SEMA6D: variants seen among roughly 807,000 people sequenced by gnomAD.
SEMA6D encodes semaphorin-6D.
SEMA6D carries 35 observed loss-of-function variants against 106.6 expected under a neutral mutation model. The observed-to-expected ratio is 0.33, with a 90% confidence interval of 0.25 to 0.44. SEMA6D has a LOEUF of 0.44. Ranked by LOEUF, SEMA6D falls within the 20% of genes least tolerant of loss-of-function variation. The pLI is 1.00. For missense variants in SEMA6D, 1,185 were observed against 1,345.9 expected (o/e 0.88, Z 1.87); for synonymous variants, 499 against 487.7 (o/e 1.02, Z -0.31).
intron 2 of SEMA6D, among the ~76,000 whole-genome samples, chr15:47,429,239 C>T (rs1267092086): frequency 9.2e-5 from 14 of 152,102 alleles, no homozygotes; most frequent in Non-Finnish European, 1.5e-5. Context: ...ACTCCTGGCT[C>T]TGCTGCTTAC....
intron 4 of SEMA6D, among the ~76,000 whole-genome samples, chr15:47,637,719 C>T (rs907023325): frequency 2.6e-5 from 4 of 152,156 alleles, no homozygotes; most frequent in East Asian, 3.9e-4. Flanking sequence ...TGGCCCAATA[C>T]AAGTACAAGT....
At chr15:47,390,100 T>C (rs751096831) in intron 1 of SEMA6D, among the ~76,000 whole-genome samples, 1 of 152,210 alleles carries the variant, frequency 6.6e-6, no homozygotes, top group African/African-American at 2.4e-5. Context: ...GTGATAATTA[T>C]TTAATCTTAT....
At chr15:47,634,770 C>T (rs1298699773) in intron 4 of SEMA6D, among the ~76,000 whole-genome samples, 1 of 151,154 alleles carries the variant, frequency 6.6e-6, no homozygotes, top group Non-Finnish European at 1.5e-5. Context: ...GTTTCCGTGT[C>T]CATGGACAGC....
chr15:47,432,091 C>CT (rs1013727559), intron 2 of SEMA6D, among the ~76,000 whole-genome samples: 1 of 151,986 alleles, frequency 6.6e-6, no homozygotes, highest in African/African-American at 2.4e-5. Flanking sequence ...AAGATATTTT[C>CT]TTTTTTAAGA....
intron 1 of SEMA6D, among the ~76,000 whole-genome samples, chr15:47,303,277 A>G (rs1027276956): frequency 5.9e-5 from 9 of 152,248 alleles, no homozygotes; most frequent in Admixed American, 5.2e-4. Context: ...GATATTATGC[A>G]TAGGTTTCAC....
rs2082195788 is a variant in SEMA6D, at chr15:47,763,881, A to G, written c.779A>G (p.Lys260Arg). The change falls in exon 10 of 19, where the codon AAA becomes AGA. Residue 260 changes from lysine (K) to arginine (R), a missense_variant. Around this residue, in one of 3 missense-constraint regions of SEMA6D, gnomAD observed 291 missense variants for 423.8 expected, o/e 0.69. Transcript: ENST00000536845. The stretch of plus-strand genomic sequence containing the variant: ...TATTCCCGCGTGGCCCGCATATGTA[A>G]AAACGACATGGGTGGTTCCCAGCGG... ...AVYSRVARIC[K>R]NDMGGSQRVL... 6.2e-7 allele frequency: 1 copy of G among 1,613,526 alleles called. No individual in the cohort carries two copies. The highest frequency in any genetic ancestry group is 1.3e-5 in the African/African-American group (1 of 74,892).
At chr15:47,727,080 C>T (rs1251056767) in intron 1 of SEMA6D, among the ~76,000 whole-genome samples, 2 of 152,186 alleles carry the variant, frequency 1.3e-5, no homozygotes, top group Non-Finnish European at 1.5e-5. Context: ...CTGGCTTCCA[C>T]TGTCGGTACT....
chr15:47,715,277 C>T (rs2079089608), upstream of SEMA6D, among the ~76,000 whole-genome samples: 1 of 152,038 alleles, frequency 6.6e-6, no homozygotes, highest in Non-Finnish European at 1.5e-5. Flanking sequence ...GGAGAAGTAG[C>T]AAAGTTAAAA....
intron 1 of SEMA6D, among the ~76,000 whole-genome samples, chr15:47,378,711 G>A (rs1468100688): frequency 6.6e-6 from 1 of 152,172 alleles, no homozygotes; most frequent in Non-Finnish European, 1.5e-5. Flanking sequence ...ATCCAGATTT[G>A]ACTTAATCAG....
intron 4 of SEMA6D, among the ~76,000 whole-genome samples, chr15:47,685,796 C>A (rs1485975876): frequency 1.3e-5 from 2 of 152,174 alleles, no homozygotes; most frequent in Non-Finnish European, 2.9e-5. Flanking sequence ...TCTAATACAA[C>A]CTGTGAGCAA....
At chr15:47,496,024 G>A (rs1182220633) in intron 3 of SEMA6D, among the ~76,000 whole-genome samples, 1 of 152,004 alleles carries the variant, frequency 6.6e-6, no homozygotes, top group Non-Finnish European at 1.5e-5. Flanking sequence ...CTCTAAGGGA[G>A]ACAGAAACAA....
intron 3 of SEMA6D, among the ~76,000 whole-genome samples, chr15:47,499,297 C>T (rs1412225379): frequency 1.3e-5 from 2 of 152,106 alleles, no homozygotes; most frequent in Admixed American, 6.6e-5. Flanking sequence ...ATCCTGGCTT[C>T]TACGCCCTTC....
intron 4 of SEMA6D, among the ~76,000 whole-genome samples, chr15:47,625,702 A>T (rs1451357743): frequency 1.3e-5 from 2 of 151,258 alleles, no homozygotes; most frequent in African/African-American, 4.9e-5. Flanking sequence ...AAATATTAAT[A>T]ATAATAATAA....
intron 1 of SEMA6D, among the ~76,000 whole-genome samples, chr15:47,728,139 C>G (rs899909229): frequency 2.0e-5 from 3 of 152,204 alleles, no homozygotes; most frequent in Non-Finnish European, 4.4e-5. Flanking sequence ...GAAGCAGATG[C>G]CCTGTACTCC....
chr15:47,496,840 T>C (rs1336206281), intron 3 of SEMA6D, among the ~76,000 whole-genome samples: 1 of 151,984 alleles, frequency 6.6e-6, no homozygotes, highest in Non-Finnish European at 1.5e-5. Context: ...GTTCCAAAAA[T>C]TTTTGGATGC....
chr15:47,310,264 T>A lies in SEMA6D; in HGVS notation c.-238-102129T>A, dbSNP rs561093196. Among the ~76,000 whole-genome samples the A allele has an allele frequency of 4.6e-5, 7 of 152,292 alleles. No homozygotes were observed. The East Asian group carries it at 1.4e-3, about 29-fold the overall frequency. ...GCTCAGCTTGGGTTTAGAAACCATA[T>A]GCCCCATCATATAATGAACTGAAAG... On this transcript the variant is annotated intron_variant, in intron 1 of 19. Transcript: ENST00000558014.
At chr15:47,583,914 C>T (rs1183481028) in intron 3 of SEMA6D, among the ~76,000 whole-genome samples, 1 of 152,166 alleles carries the variant, frequency 6.6e-6, no homozygotes, top group Non-Finnish European at 1.5e-5. Flanking sequence ...CTACTTTAGA[C>T]TGGATGTCTT....
At chr15:47,490,458 A>G (rs1453875311) in intron 3 of SEMA6D, among the ~76,000 whole-genome samples, 2 of 152,108 alleles carry the variant, frequency 1.3e-5, no homozygotes. Context: ...AGCCTGGCCA[A>G]TATGGTGAGA....
chr15:47,217,156 G>A (rs1160228586), intron 1 of SEMA6D, among the ~76,000 whole-genome samples: 2 of 152,128 alleles, frequency 1.3e-5, no homozygotes, highest in African/African-American at 4.8e-5. Context: ...TTGTTTATAA[G>A]TCATCCCGTG....
Sources: gnomAD v4.1 joint callset for allele counts (sites outside exome capture counted in the v4.1 genomes callset) on GRCh38, gnomAD v4.1.1 for gene constraint, gnomAD v4.1.1 regional missense constraint, MANE v1.5 for transcripts, NCBI Gene and HGNC (gene_info 2026-07-23, HGNC 2026-07-21) for gene names.